PDE5A: variants seen among roughly 807,000 people sequenced by gnomAD.
PDE5A encodes the protein cGMP-specific 3',5'-cyclic phosphodiesterase.
In PDE5A, 67 loss-of-function variants were observed where a neutral mutation model predicts 110.2. The ratio of observed to expected loss-of-function variants is 0.61; its 90% CI spans 0.50 to 0.75. The LOEUF (loss-of-function observed/expected upper bound fraction) is 0.75. PDE5A is among the 30% of genes least tolerant of loss of function. PDE5A has a pLI of 0.00. For synonymous variants in PDE5A, 328 were observed against 351.2 expected, an observed-to-expected ratio of 0.93 and a Z score of 0.74; for missense variants, 862 against 1,045.1, an observed-to-expected ratio of 0.82 and a Z score of 2.42.
chr4:119,611,237 T>C (rs145065168), intron 1 of PDE5A, among the ~76,000 whole-genome samples: 1 of 152,348 alleles, frequency 6.6e-6, no homozygotes, highest in Non-Finnish European at 1.5e-5. Flanking sequence ...CTATTTTTCT[T>C]GTTTATCAAT....
In PDE5A at chr4:119,565,368, T is replaced by C; in HGVS notation, c.946A>G (p.Asn316Asp). ...AGTGAAGTCTCATAGAGCTGAGCAT[T>C]ATGAAGAACAATACCACAAAATGCC... ...YLAFCGIVLHNAQLYETSLLE... is the reference protein window; with the variant it reads ...YLAFCGIVLHDAQLYETSLLE... Residue 316 changes from asparagine (N) to aspartate (D), a missense_variant, in exon 5 of 21, where the codon AAT (asparagine) becomes GAT (aspartate). Coordinates refer to ENST00000354960, the MANE Select transcript of PDE5A (RefSeq NM_001083.4). The C allele has an allele frequency of 6.2e-7, 1 of 1,612,616 alleles. No individual in the cohort carries two copies. Among genetic ancestry groups the C allele is most frequent in the Non-Finnish European group, 8.5e-7 (1 of 1,179,046 alleles).
chr4:119,509,186 C>G (rs1400468140), intron 15 of PDE5A, among the ~76,000 whole-genome samples: 2 of 152,000 alleles, frequency 1.3e-5, no homozygotes, highest in Non-Finnish European at 2.9e-5. Context: ...GGAAAGACCA[C>G]TCAAAACCTA....
chr4:119,579,884 A>G (rs1728524882), intron 3 of PDE5A, among the ~76,000 whole-genome samples: 1 of 152,222 alleles, frequency 6.6e-6, no homozygotes, highest in Admixed American at 6.5e-5. Flanking sequence ...GTGAATTTTA[A>G]AACATTTTAA....
intron 11 of PDE5A, among the ~76,000 whole-genome samples, chr4:119,533,594 T>A (rs1249396344): frequency 6.6e-6 from 1 of 152,152 alleles, no homozygotes; most frequent in Non-Finnish European, 1.5e-5. Flanking sequence ...TCAGGCACAG[T>A]GGGACTGGAC....
intron 18 of PDE5A, among the ~76,000 whole-genome samples, chr4:119,503,653 C>G (rs1317773129): frequency 6.6e-6 from 1 of 152,128 alleles, no homozygotes; most frequent in East Asian, 1.9e-4. Flanking sequence ...ACCTAAAATG[C>G]TGGTTCAATG....
chr4:119,503,251 A>G (rs1053831330), intron 18 of PDE5A, among the ~76,000 whole-genome samples: 1 of 152,166 alleles, frequency 6.6e-6, no homozygotes, highest in Non-Finnish European at 1.5e-5. Context: ...CCTAAATAGC[A>G]TATTTATTAC....
intron 17 of PDE5A, 71 bp downstream of exon 17, chr4:119,505,784 A>G (rs1426358168): frequency 1.2e-6 from 1 of 845,578 alleles, no homozygotes; most frequent in East Asian, 2.8e-5. Context: ...AAAAACTAAC[A>G]GTGAGGAAAA....
At chr4:119,603,083 T>C (rs1448727956) in intron 2 of PDE5A, among the ~76,000 whole-genome samples, 1 of 152,262 alleles carries the variant, frequency 6.6e-6, no homozygotes, top group Admixed American at 6.5e-5. Flanking sequence ...GTGTAGTTAT[T>C]GGATGTTATC....
intron 3 of PDE5A, among the ~76,000 whole-genome samples, chr4:119,578,031 C>T (rs368324856): frequency 6.6e-6 from 1 of 152,086 alleles, no homozygotes; most frequent in South Asian, 2.1e-4. Flanking sequence ...CAAGCATTCT[C>T]ATACACCAAT....
chr4:119,585,330 A>G (rs1364356554), intron 3 of PDE5A, among the ~76,000 whole-genome samples: 1 of 151,810 alleles, frequency 6.6e-6, no homozygotes, highest in African/African-American at 2.4e-5. Context: ...CCATACAAAG[A>G]GGCAAACATC....
intron 7 of PDE5A, among the ~76,000 whole-genome samples, chr4:119,555,879 T>G (rs1367923478): frequency 6.6e-6 from 1 of 152,208 alleles, no homozygotes; most frequent in Non-Finnish European, 1.5e-5. Flanking sequence ...ATTAGATTTA[T>G]TAAAGTTACA....
intron 3 of PDE5A, among the ~76,000 whole-genome samples, chr4:119,595,561 G>A (rs1359537118): frequency 6.6e-6 from 1 of 152,178 alleles, no homozygotes; most frequent in Non-Finnish European, 1.5e-5. Context: ...GGCAGAGGAA[G>A]AGCATATATT....
At chr4:119,501,897 A>G (rs937221155) in intron 19 of PDE5A, among the ~76,000 whole-genome samples, 4 of 152,140 alleles carry the variant, frequency 2.6e-5, no homozygotes, top group Non-Finnish European at 5.9e-5. Context: ...CGGTTTATCT[A>G]TTCCCTTGGT....
At chr4:119,612,392 T>C (rs1350869717) in intron 1 of PDE5A, among the ~76,000 whole-genome samples, 30 of 152,182 alleles carry the variant, frequency 2.0e-4, no homozygotes, top group Admixed American at 2.0e-3. Context: ...CCTCCCACCA[T>C]CCCGTCCTTG....
intron 11 of PDE5A, among the ~76,000 whole-genome samples, chr4:119,535,662 C>T: frequency 6.6e-6 from 1 of 152,030 alleles, no homozygotes; most frequent in East Asian, 1.9e-4. Context: ...TTATGCTACA[C>T]CCAATTTTAA....
chr4:119,621,059 T>C (rs1730125204), intron 1 of PDE5A, among the ~76,000 whole-genome samples: 1 of 152,242 alleles, frequency 6.6e-6, no homozygotes, highest in Non-Finnish European at 1.5e-5. Flanking sequence ...TATCATTTTG[T>C]TCGTAATTAA....
At chr4:119,593,534 C>G (rs768980452) in intron 3 of PDE5A, among the ~76,000 whole-genome samples, 5 of 152,126 alleles carry the variant, frequency 3.3e-5, no homozygotes, top group Non-Finnish European at 5.9e-5. Flanking sequence ...AAAAGCAAAA[C>G]AATAGTGACA....
At chr4:119,611,677 A>G (rs934980952) in intron 1 of PDE5A, among the ~76,000 whole-genome samples, 4 of 152,224 alleles carry the variant, frequency 2.6e-5, no homozygotes, top group African/African-American at 9.7e-5. Context: ...AGAGACATTA[A>G]CTCAATATTA....
intron 10 of PDE5A, among the ~76,000 whole-genome samples, chr4:119,539,350 T>G (rs1366496549): frequency 9.9e-5 from 15 of 152,104 alleles, no homozygotes; most frequent in Admixed American, 9.8e-4. Flanking sequence ...ATTTTGTTTT[T>G]TTTTTTTAAG....
Sources: allele counts gnomAD v4.1 joint callset (sites outside exome capture counted in the v4.1 genomes callset), GRCh38; gene constraint gnomAD v4.1.1; transcripts MANE v1.5; gene names NCBI Gene and HGNC (gene_info 2026-07-23, HGNC 2026-07-21).